Variants in PEMT observed in about 807,000 individuals in gnomAD.
PEMT encodes phospholipid methyltransferase.
PEMT carries 23 observed loss-of-function variants against 27.4 expected under a neutral mutation model. The observed-to-expected ratio is 0.84, with a 90% CI of 0.60 to 1.19. The LOEUF (loss-of-function observed/expected upper bound fraction) is 1.19. Among genes scored for constraint, PEMT ranks in the 50% most tolerant of loss-of-function variants. The pLI is 0.00. For synonymous variants in PEMT, 137 were observed against 139.1 expected, an observed-to-expected ratio of 0.98 and a Z score of 0.11; for missense variants, 307 against 310.1, an observed-to-expected ratio of 0.99 and a Z score of 0.07.
intron 2 of PEMT, among the ~76,000 whole-genome samples, chr17:17,541,753 G>A (rs1567701930): frequency 6.6e-6 from 1 of 152,254 alleles, no homozygotes; most frequent in Non-Finnish European, 1.5e-5. Flanking sequence ...ACCGGGGCCT[G>A]CCCAGGGTGT....
intron 1 of PEMT, among the ~76,000 whole-genome samples, chr17:17,589,216 C>T (rs144601178): frequency 7.9e-4 from 120 of 152,202 alleles, no homozygotes; most frequent in African/African-American, 2.6e-3. Context: ...CCTGCTTTGG[C>T]CTCCCAGAGT....
At chr17:17,586,214 GAAAAAGAAAGAAAGAAAGAA>G (rs1912249411) in intron 1 of PEMT, among the ~76,000 whole-genome samples, 1 of 80,070 alleles carries the variant, frequency 1.2e-5, no homozygotes, top group African/African-American at 4.3e-5. Flanking sequence ...AAGAAAGAAA[GAAAAAGAAAGAAAGAAAGAA>G]AGAAAGAAAG....
rs1190963551 is a variant in PEMT at position 17,561,655 on chromosome 17, C to T, written c.204+15265G>A. 1.3e-5 allele frequency among the ~76,000 whole-genome samples: 2 copies of T among 152,148 alleles called. No homozygotes were observed. Among genetic ancestry groups the T allele is most frequent in the East Asian group, 1.9e-4 (1 of 5,190 alleles). ...GGTCACAGATGAGAATACCAAGGCT[C>T]GGAGAAGCCAGGAACCTTGCCCAGG... On this transcript the variant is annotated intron_variant, in intron 2 of 6. Transcript: ENST00000255389. This position sits in a 1 kb window ranked among gnomAD's most constrained non-coding sequence, Gnocchi z 4.5.
chr17:17,536,536 G>A (rs1270367804), intron 2 of PEMT, among the ~76,000 whole-genome samples: 1 of 152,218 alleles, frequency 6.6e-6, no homozygotes, highest in East Asian at 1.9e-4. Context: ...GGGAGCCCCA[G>A]GGTTGCTTGT....
chr17:17,526,550 C>G (rs962450512), intron 2 of PEMT, among the ~76,000 whole-genome samples: 1 of 152,384 alleles, frequency 6.6e-6, no homozygotes, highest in African/African-American at 2.4e-5. Context: ...GTCTCTCCCC[C>G]TATCCGTGGC....
At chr17:17,536,267 A>G (rs1908464732) in intron 2 of PEMT, among the ~76,000 whole-genome samples, 1 of 152,236 alleles carries the variant, frequency 6.6e-6, no homozygotes, top group Non-Finnish European at 1.5e-5. Flanking sequence ...AAGGACACAC[A>G]GTGAGTAAAT....
At chr17:17,536,846 C>T (rs1406370173) in intron 2 of PEMT, among the ~76,000 whole-genome samples, 2 of 152,202 alleles carry the variant, frequency 1.3e-5, no homozygotes, top group African/African-American at 4.8e-5. Context: ...AGTGTCAGCC[C>T]CTACTCAGGG....
intron 2 of PEMT, among the ~76,000 whole-genome samples, chr17:17,533,874 G>A (rs968451176): frequency 3.9e-5 from 6 of 152,084 alleles, no homozygotes; most frequent in Admixed American, 6.5e-5. Context: ...GGGATTACAG[G>A]TGCATGCCAC....
At chr17:17,510,956 C>T (rs1183570913) in intron 4 of PEMT, among the ~76,000 whole-genome samples, 1 of 152,182 alleles carries the variant, frequency 6.6e-6, no homozygotes, top group Non-Finnish European at 1.5e-5. Context: ...CCCTCACATC[C>T]TGGAAGGGCC....
intron 2 of PEMT, among the ~76,000 whole-genome samples, chr17:17,575,625 T>G (rs1911533625): frequency 6.6e-6 from 1 of 152,172 alleles, no homozygotes; most frequent in Non-Finnish European, 1.5e-5. Context: ...GGGGACGGTG[T>G]GGCTGAGAGT....
At position 17,582,445 on chromosome 17, in the gene PEMT, G is replaced by A; in HGVS notation, c.97-5418C>T. 33 of 985,278 alleles carry A rather than the reference G, an allele frequency of 3.3e-5. No individual in the cohort carries two copies. The highest frequency in any genetic ancestry group is 4.0e-5 in the Non-Finnish European group (33 of 829,740). 61.0% of individuals were successfully genotyped at this position (985,278 alleles called of 1,614,324 possible). On this transcript the variant is annotated intron_variant, in intron 1 of 6. Coordinates refer to ENST00000255389, the MANE Select transcript of PEMT (RefSeq NM_148172.3). The surrounding 1 kb of genome is among the most constrained non-coding windows in gnomAD (Gnocchi z 4.9). ...CTCTGTGGTCAGGGAATGATCTGCA[G>A]TGGGTCAACATGTCACATTGTGACA...
At chr17:17,511,131 C>G (rs1359866940) in intron 4 of PEMT, among the ~76,000 whole-genome samples, 1 of 152,218 alleles carries the variant, frequency 6.6e-6, no homozygotes, top group Non-Finnish European at 1.5e-5. Flanking sequence ...TCCCAACCGA[C>G]AGCACCTGTG....
intron 5 of PEMT, chr17:17,508,954 CG>C: frequency 3.3e-6 from 1 of 298,568 alleles, no homozygotes; most frequent in South Asian, 2.6e-5. Flanking sequence ...CTGATGTCCC[CG>C]CACAAGGGTC....
At chr17:17,570,457 G>A (rs1187928194) in intron 2 of PEMT, 6 of 941,794 alleles carry the variant, frequency 6.4e-6, no homozygotes, top group Admixed American at 6.2e-5. Flanking sequence ...GGCAGAGGCC[G>A]GGGACATTGC....
chr17:17,538,078 G>A (rs553567234), intron 2 of PEMT, among the ~76,000 whole-genome samples: 2 of 152,322 alleles, frequency 1.3e-5, no homozygotes, highest in African/African-American at 4.8e-5. Flanking sequence ...TCTCTCCAAC[G>A]CTGCAACAGG....
chr17:17,533,158 A>G (rs1446963389), intron 2 of PEMT, among the ~76,000 whole-genome samples: 1 of 152,280 alleles, frequency 6.6e-6, no homozygotes, highest in Non-Finnish European at 1.5e-5. Context: ...GGAATAGCAT[A>G]CAGAGCCCAG....
At chr17:17,518,513 G>T (rs1046800083) in intron 3 of PEMT, among the ~76,000 whole-genome samples, 1 of 152,240 alleles carries the variant, frequency 6.6e-6, no homozygotes, top group African/African-American at 2.4e-5. Flanking sequence ...CCTGCTTCCA[G>T]ATAACAGTGG....
intron 2 of PEMT, among the ~76,000 whole-genome samples, chr17:17,563,651 G>A (rs1567729802): frequency 6.6e-6 from 1 of 152,242 alleles, no homozygotes; most frequent in Admixed American, 6.5e-5. Context: ...TAAGCGGGTG[G>A]CAGGCAAAGC....
intron 1 of PEMT, among the ~76,000 whole-genome samples, chr17:17,577,668 G>GA (rs4646345): frequency 0.032 from 3,783 of 118,524 alleles, 141 homozygotes; most frequent in African/African-American, 0.095. Context: ...AAGAAATGAA[G>GA]AAAAAAAAAA....
Sources: gnomAD v4.1 joint callset for allele counts (sites outside exome capture counted in the v4.1 genomes callset) on GRCh38, gnomAD v4.1.1 for gene constraint, Gnocchi (gnomAD v3.1) non-coding constraint, MANE v1.5 for transcripts, NCBI Gene and HGNC (gene_info 2026-07-23, HGNC 2026-07-21) for gene names.